Variants in SCN4A observed in about 807,000 individuals in gnomAD.
SCN4A encodes the protein sodium voltage-gated channel alpha subunit 4, also known as sodium channel protein type 4 subunit alpha.
A neutral mutation model predicts 162.0 loss-of-function variants in SCN4A; 83 were observed. The observed-to-expected ratio is 0.51, with a 90% CI of 0.43 to 0.61. The LOEUF (loss-of-function observed/expected upper bound fraction) is 0.61, where lower values mean the gene tolerates loss of function less well. Among genes scored for constraint, SCN4A ranks in the 20% least tolerant of loss-of-function variants. The pLI, the probability that SCN4A is intolerant of heterozygous loss-of-function variation, is 0.00. For missense variants in SCN4A, 2,196 were observed against 2,462.5 expected, an observed-to-expected ratio of 0.89 and a Z score of 2.29; for synonymous variants, 944 against 985.1, an observed-to-expected ratio of 0.96 and a Z score of 0.78.
intron 23 of SCN4A, 57 bp downstream of exon 23, chr17:63,942,769 G>A (rs1379103393): frequency 1.3e-6 from 2 of 1,550,734 alleles, no homozygotes; most frequent in Non-Finnish European, 1.8e-6. Flanking sequence ...GTGAGGATGG[G>A]TCTTCCCGAG....
At chr17:63,959,005 G>A (rs1473825794) in intron 12 of SCN4A, among the ~76,000 whole-genome samples, 1 of 152,174 alleles carries the variant, frequency 6.6e-6, no homozygotes, top group Non-Finnish European at 1.5e-5. Context: ...GCTGCTCAAG[G>A]TCATTAAGGA....
chr17:63,944,618 A>G lies in SCN4A; in HGVS notation c.3912+55T>C. On this transcript the variant is annotated intron_variant, in intron 21 of 23. Transcript: ENST00000435607. The surrounding 1 kb of genome is among the most constrained non-coding windows in gnomAD (Gnocchi z 4.3). ...TTGTGCAATGGAGAGTGGACAAAGGAGGCAGGAGGGAGGCCCAGCACCGGG... is the reference window on the plus strand; with the variant it reads ...TTGTGCAATGGAGAGTGGACAAAGGGGGCAGGAGGGAGGCCCAGCACCGGG... The G allele has an allele frequency of 6.5e-7, 1 of 1,549,986 alleles. No homozygotes were observed. Among genetic ancestry groups the G allele is most frequent in the Non-Finnish European group, 8.7e-7 (1 of 1,143,258 alleles).
Position 63,939,367 on chromosome 17 carries a change from C to CACACATATAT in SCN4A, c.*1394_*1403dup, listed in dbSNP as rs112489358. The stretch of plus-strand genomic sequence containing the variant: ...CCATGGACCTTGAAACAGTCCAGGG[C>CACACATATAT]ACACATATATACACATATATACAAA... On this transcript the variant is annotated 3_prime_UTR_variant, in exon 24 of 24. Transcript: ENST00000435607. The CACACATATAT allele has an allele frequency of 0.43, 65,299 of 151,438 alleles. 15,908 individuals carry two copies. Among genetic ancestry groups the CACACATATAT allele is most frequent in the Non-Finnish European group, 0.55 (37,439 of 67,778 alleles). 9.4% of individuals were successfully genotyped at this position (151,438 alleles called of 1,614,324 possible).
chr17:63,947,150 C>G lies in SCN4A; in HGVS notation c.3336G>C (p.Leu1112Phe), dbSNP rs764409572. The change falls in exon 18 of 24, where the codon TTG (leucine) becomes TTC (phenylalanine). Residue 1112 changes from leucine to phenylalanine, a missense_variant. By Grantham distance (22) the Leu-to-Phe change is conservative. Coordinates refer to ENST00000435607, the MANE Select transcript of SCN4A (RefSeq NM_000334.4). ...CCGAGTAGCCCAGCCAGTTGGCCAC[C>G]AAGCTGATGATGGAGACCTGCAGGG... is the stretch of plus-strand genomic sequence containing the variant. ...FLIVDVSIIS[L>F]VANWLGYSEL... is the part of the protein sequence containing the mutation. 6.2e-7 allele frequency: 1 copy of G among 1,613,508 alleles called. No homozygotes were observed. The highest frequency in any genetic ancestry group is 1.1e-5 in the South Asian group (1 of 91,074).
At position 63,961,126 on chromosome 17, in the gene SCN4A, C is replaced by A. The variant is rs955539892; in HGVS notation, c.1845+67G>T. On this transcript the variant is annotated intron_variant, in intron 11 of 23. Transcript: ENST00000435607. ...TGCCCTATATTTACATACAGCCAGACAGCTCCACTGGGCCCTACCCCCTCC... is the reference window on the plus strand; with the variant it reads ...TGCCCTATATTTACATACAGCCAGAAAGCTCCACTGGGCCCTACCCCCTCC... 1.3e-5 allele frequency: 14 copies of A among 1,044,014 alleles called. No individual in the cohort carries two copies. In the South Asian group the frequency reaches 1.9e-4, roughly 14 times the overall value. 64.7% of individuals were successfully genotyped at this position (1,044,014 alleles called of 1,614,324 possible).
rs1214296175 is a variant in SCN4A, at chr17:63,957,216, G to A, written c.2322C>T (p.Gly774=). The change falls in exon 13 of 24, where the codon GGC becomes GGT. Residue 774 remains glycine (G), a synonymous_variant. Transcript: ENST00000435607. ...ETMWDCMEVA[G]QAMCLTVFLM... The stretch of plus-strand genomic sequence containing the variant: ...GGAAGACGGTGAGGCACATGGCTTG[G>A]CCGGCCACCTCCATGCAGTCCCACA... The A allele has an allele frequency of 6.2e-7, 1 of 1,600,044 alleles. No individual in the cohort carries two copies. Among genetic ancestry groups the A allele is most frequent in the South Asian group, 1.1e-5 (1 of 90,450 alleles).
chr17:63,949,459 C>T lies in SCN4A; in HGVS notation c.2923G>A (p.Glu975Lys), dbSNP rs1555602003. The T allele has an allele frequency of 6.2e-7, 1 of 1,610,870 alleles. No homozygotes were observed. The stretch of plus-strand genomic sequence containing the variant: ...TCCTCTGCCTGCTCCTCAGGGTCCT[C>T]CTCGGGGGGCTTGTAGTCAGCTGTG... ...CSTADYKPPE[E>K]DPEEQAEENP... is the part of the protein sequence containing the mutation. Residue 975 changes from glutamate to lysine, a missense_variant, in exon 15 of 24, where the codon GAG becomes AAG. Transcript: ENST00000435607.
At position 63,941,231 on chromosome 17, in the gene SCN4A, G is replaced by T. The variant is rs541964442; in HGVS notation, c.5051C>A (p.Thr1684Asn). The change falls in exon 24 of 24, where the codon ACC becomes AAC. Residue 1684 changes from threonine (T) to asparagine (N), a missense_variant. Coordinates refer to ENST00000435607, the MANE Select transcript of SCN4A (RefSeq NM_000334.4). The surrounding 1 kb of genome is among the most constrained non-coding windows in gnomAD (Gnocchi z 6.2). ...IHCLDILFAL[T>N]KEVLGDSGEM... ...CCCAGAGTCACCCAGGACCTCTTTG[G>T]TCAGGGCAAAGAGGATGTCCAGGCA... 6.2e-7 allele frequency: 1 copy of T among 1,613,786 alleles called. No individual in the cohort carries two copies. Among genetic ancestry groups the T allele is most frequent in the African/African-American group, 1.3e-5 (1 of 74,946 alleles).
At chr17:63,966,429 C>T in intron 7 of SCN4A, 52 bp downstream of exon 7, 1 of 1,552,642 alleles carries the variant, frequency 6.4e-7, no homozygotes. Context: ...AATCAGCTCC[C>T]ACCTTCCAAG....
At chr17:63,955,232 C>T (rs1316809910) in intron 13 of SCN4A, among the ~76,000 whole-genome samples, 1 of 152,168 alleles carries the variant, frequency 6.6e-6, no homozygotes, top group African/African-American at 2.4e-5. Context: ...AATAACATTA[C>T]CTGTCTCATG....
chr17:63,947,377 C>A (rs966231568), intron 17 of SCN4A, among the ~76,000 whole-genome samples: 9 of 152,174 alleles, frequency 5.9e-5, no homozygotes, highest in African/African-American at 9.7e-5. Flanking sequence ...TGTCATCAAC[C>A]AACTGGGGAT....
chr17:63,941,843 G>T lies in SCN4A; in HGVS notation c.4439C>A (p.Pro1480His), dbSNP rs1387983690. The T allele has an allele frequency of 6.2e-7, 1 of 1,614,090 alleles. No individual in the cohort carries two copies. Among genetic ancestry groups the T allele is most frequent in the Non-Finnish European group, 8.5e-7 (1 of 1,180,010 alleles). The change falls in exon 24 of 24, where the codon CCT becomes CAT. Residue 1480 changes from proline (P) to histidine (H), a missense_variant. By Grantham distance (77) the Pro-to-His change is moderately conservative (BLOSUM62 -2). Transcript: ENST00000435607. This position sits in a 1 kb window ranked among gnomAD's most constrained non-coding sequence, Gnocchi z 6.2. ...TLLFALMMSL[P>H]ALFNIGLLLF... Reference sequence around the variant, plus strand: ...GAGGAGGCCGATGTTGAAGAGGGCAGGCAGCGACATCATGAGGGCGAACAG... The same window carrying T: ...GAGGAGGCCGATGTTGAAGAGGGCATGCAGCGACATCATGAGGGCGAACAG...
chr17:63,948,753 C>A lies in SCN4A; in HGVS notation c.3002G>T (p.Arg1001Leu), dbSNP rs770588235. The A allele has an allele frequency of 6.2e-7, 1 of 1,607,852 alleles. No individual in the cohort carries two copies. The highest frequency in any genetic ancestry group is 1.3e-5 in the African/African-American group (1 of 74,836). ...EECFTEACVQ[R>L]WPCLYVDISQ... Reference sequence around the variant, plus strand: ...GATGTCCACGTAGAGGCAGGGCCAGCGCTGCACGCAGGCTGATGGGGTGAG... The same window carrying A: ...GATGTCCACGTAGAGGCAGGGCCAGAGCTGCACGCAGGCTGATGGGGTGAG... The change falls in exon 16 of 24, where the codon CGC becomes CTC. Residue 1001 changes from arginine (R) to leucine (L), a missense_variant. By Grantham distance (102) the Arg-to-Leu change is moderately radical (BLOSUM62 -2). Coordinates refer to ENST00000435607, the MANE Select transcript of SCN4A (RefSeq NM_000334.4).
chr17:63,971,259 T>A lies in SCN4A; in HGVS notation c.612-6A>T. 6.6e-7 allele frequency: 1 copy of A among 1,512,690 alleles called. No individual in the cohort carries two copies. Among genetic ancestry groups the A allele is most frequent in the Non-Finnish European group, 8.9e-7 (1 of 1,119,638 alleles). The allele number at this position is 1,512,690 out of a possible 1,614,324, so 93.7% of individuals were successfully genotyped here. ...CCACAAACTCTGTCAGGTACCTGGG[T>A]AGGGGGTGGAGGGGGGTGGGGACTG... On this transcript the variant is annotated splice_polypyrimidine_tract_variant and splice_region_variant and intron_variant, in intron 4 of 23. Transcript: ENST00000435607.
chr17:63,945,037 G>A lies in SCN4A; in HGVS notation c.3744C>T (p.Asp1248=). 2 of 1,613,892 alleles carry A rather than the reference G, an allele frequency of 1.2e-6. No individual in the cohort carries two copies. Among genetic ancestry groups the A allele is most frequent in the Non-Finnish European group, 8.5e-7 (1 of 1,179,842 alleles). The part of the protein sequence containing the change: ...LQVATFKGWM[D]IMYAAVDSRE... ...GGGAGTCCACGGCTGCATACATGAT[G>A]TCCATCCAACCCTTGAAGGTGGCCT... The change falls in exon 20 of 24, where the codon GAC becomes GAT. Residue 1248 remains aspartate, a synonymous_variant. Coordinates refer to ENST00000435607, the MANE Select transcript of SCN4A (RefSeq NM_000334.4). This position sits in a 1 kb window ranked among gnomAD's most constrained non-coding sequence, Gnocchi z 4.4.
chr17:63,971,479 C>T (rs1909607766), intron 4 of SCN4A, among the ~76,000 whole-genome samples: 1 of 152,178 alleles, frequency 6.6e-6, no homozygotes, highest in Non-Finnish European at 1.5e-5. Flanking sequence ...TAGCCCGGCT[C>T]ACCCAGCAGG....
Position 63,972,269 on chromosome 17 carries a change from G to A in SCN4A, c.393-44C>T. Reference sequence around the variant, plus strand: ...AAGTGAGGAAGCAGCTAGGATGGGAGGTGATAGAGGGTCTCCTGGGCCACA... The same window carrying A: ...AAGTGAGGAAGCAGCTAGGATGGGAAGTGATAGAGGGTCTCCTGGGCCACA... On this transcript the variant is annotated intron_variant, in intron 2 of 23. Coordinates refer to ENST00000435607, the MANE Select transcript of SCN4A (RefSeq NM_000334.4). This position sits in a 1 kb window ranked among gnomAD's most constrained non-coding sequence, Gnocchi z 4.3. 2 of 1,591,200 alleles carry A rather than the reference G, an allele frequency of 1.3e-6. No individual in the cohort carries two copies. The highest frequency in any genetic ancestry group is 1.1e-5 in the South Asian group (1 of 89,630).
chr17:63,963,774 G>A lies in SCN4A; in HGVS notation c.1504C>T (p.His502Tyr). 1.2e-6 allele frequency: 2 copies of A among 1,608,322 alleles called. No individual in the cohort carries two copies. Among genetic ancestry groups the A allele is most frequent in the Non-Finnish European group, 1.7e-6 (2 of 1,177,794 alleles). The change falls in exon 10 of 24, where the codon CAT becomes TAT. Residue 502 changes from histidine to tyrosine, a missense_variant. Physicochemically the swap from His to Tyr is moderately conservative, Grantham distance 83 (BLOSUM62 2). Coordinates refer to ENST00000435607, the MANE Select transcript of SCN4A (RefSeq NM_000334.4). ...AGGCTGCCATTGCAGTCTTTGCCAT[G>A]GGCTGGGTCCCCATCTGCCTCCCCA... is the stretch of plus-strand genomic sequence containing the variant. ...EGGEADGDPA[H>Y]GKDCNGSLDT... is the part of the protein sequence containing the mutation.
At position 63,941,817 on chromosome 17, in the gene SCN4A, G is replaced by A. The variant is rs1555600762; in HGVS notation, c.4465C>T (p.Leu1489Phe). 6.2e-7 allele frequency: 1 copy of A among 1,614,240 alleles called. No individual in the cohort carries two copies. Among genetic ancestry groups the A allele is most frequent in the Non-Finnish European group, 8.5e-7 (1 of 1,180,026 alleles). Residue 1489 changes from leucine (L) to phenylalanine (F), a missense_variant, in exon 24 of 24, where the codon CTC becomes TTC. By Grantham distance (22) the Leu-to-Phe change is conservative (BLOSUM62 0). Transcript: ENST00000435607. This position sits in a 1 kb window ranked among gnomAD's most constrained non-coding sequence, Gnocchi z 6.2. The part of the protein sequence containing the change: ...LPALFNIGLL[L>F]FLVMFIYSIF... ...GAGTAGATGAACATGACCAGGAAGA[G>A]GAGGAGGCCGATGTTGAAGAGGGCA... is the stretch of plus-strand genomic sequence containing the variant.
Sources: gnomAD v4.1 joint callset for allele counts (sites outside exome capture counted in the v4.1 genomes callset) on GRCh38, gnomAD v4.1.1 for gene constraint, Gnocchi (gnomAD v3.1) non-coding constraint, MANE v1.5 for transcripts, NCBI Gene and HGNC (gene_info 2026-07-23, HGNC 2026-07-21) for gene names.